The following TANC2 variants were observed in gnomAD, a reference collection of about 807,000 sequenced individuals.
TANC2 encodes the protein protein TANC2.
A neutral mutation model predicts 210.5 loss-of-function variants in TANC2; 26 were observed. That is an observed-to-expected ratio of 0.12 (90% CI 0.09 to 0.17). TANC2 has a LOEUF of 0.17. TANC2 is among the 10% of genes least tolerant of loss of function. The pLI, the probability that TANC2 is intolerant of heterozygous loss-of-function variation, is 1.00. For synonymous variants in TANC2, 931 were observed against 967.1 expected (o/e 0.96, Z 0.69); for missense variants, 2,129 against 2,608.9 (o/e 0.82, Z 4.01).
intron 3 of TANC2, among the ~76,000 whole-genome samples, chr17:63,084,052 A>G (rs550348812): frequency 5.3e-4 from 80 of 152,330 alleles, no homozygotes; most frequent in African/African-American, 1.7e-3. Flanking sequence ...GATTGTAGAG[A>G]ATATGTGTAA....
Position 63,351,241 on chromosome 17 carries a change from C to A in TANC2, c.1808-9C>A. On this transcript the variant is annotated splice_polypyrimidine_tract_variant and intron_variant, in intron 12 of 27. Transcript: ENST00000689528. Reference sequence around the variant, plus strand: ...TAATTATTAAGTAATGTGTTTCTTTCTATCTCAGAGAGAAAAATCCCAGAT... The same window carrying A: ...TAATTATTAAGTAATGTGTTTCTTTATATCTCAGAGAGAAAAATCCCAGAT... 1 of 1,594,798 alleles carries A rather than the reference C, an allele frequency of 6.3e-7. No homozygotes were observed. Among genetic ancestry groups the A allele is most frequent in the South Asian group, 1.1e-5 (1 of 87,356 alleles).
intron 7 of TANC2, among the ~76,000 whole-genome samples, chr17:63,205,372 A>AAAAAAAAAAAAC (rs1472135033): frequency 8.3e-5 from 11 of 131,810 alleles, no homozygotes; most frequent in African/African-American, 1.9e-4. Flanking sequence ...AAAAAAAAAA[A>AAAAAAAAAAAAC]CCTCATACAC....
intron 2 of TANC2, among the ~76,000 whole-genome samples, chr17:63,019,300 C>T (rs1257693799): frequency 6.6e-6 from 1 of 152,106 alleles, no homozygotes; most frequent in Non-Finnish European, 1.5e-5. Flanking sequence ...TCACTGCAAC[C>T]TCTGCCTCCT....
At chr17:63,034,469 A>G (rs2144173858) in intron 2 of TANC2, among the ~76,000 whole-genome samples, 1 of 152,346 alleles carries the variant, frequency 6.6e-6, no homozygotes, top group South Asian at 2.1e-4. Context: ...TTCTTCAGCC[A>G]TGGATCAAGG....
intron 9 of TANC2, among the ~76,000 whole-genome samples, chr17:63,279,704 G>C: frequency 6.6e-6 from 1 of 152,058 alleles, no homozygotes; most frequent in South Asian, 2.1e-4. Flanking sequence ...ATCCTCACTG[G>C]TGAGCACTGT....
intron 2 of TANC2, among the ~76,000 whole-genome samples, chr17:63,016,324 C>T (rs1357767743): frequency 6.6e-6 from 1 of 152,138 alleles, no homozygotes; most frequent in South Asian, 2.1e-4. Flanking sequence ...TGCCTGTAAT[C>T]CCGGCATTTT....
chr17:63,133,541 G>C (rs750785001), intron 4 of TANC2, among the ~76,000 whole-genome samples: 7 of 151,982 alleles, frequency 4.6e-5, no homozygotes, highest in Non-Finnish European at 8.8e-5. Context: ...AGATCTTTTG[G>C]GTCTGCCATG....
intron 9 of TANC2, among the ~76,000 whole-genome samples, chr17:63,284,740 ATATC>A (rs2044169794): frequency 6.6e-6 from 1 of 152,116 alleles, no homozygotes; most frequent in African/African-American, 2.4e-5. Context: ...ACTTCTATAA[ATATC>A]AAATAGGTCA....
intron 21 of TANC2, among the ~76,000 whole-genome samples, chr17:63,408,175 G>A (rs973324732): frequency 1.3e-5 from 2 of 152,228 alleles, no homozygotes; most frequent in African/African-American, 4.8e-5. Context: ...TAACCCAAGG[G>A]CAGTAGCTTT....
In TANC2 at chr17:63,230,997, T is replaced by G. The variant is rs1275159806; in HGVS notation, c.770-6817T>G. On this transcript the variant is annotated intron_variant, in intron 7 of 27. Transcript: ENST00000689528. ...GTATAGTTAGCTCTTACTGTTGAAT[T>G]GTCCCCTTTACTATTATGTAATGCC... Among the ~76,000 whole-genome samples, 7 of 152,216 alleles carry G rather than the reference T, an allele frequency of 4.6e-5. No homozygotes were observed. In the East Asian group the frequency reaches 1.3e-3, roughly 29 times the overall value.
At chr17:63,324,170 T>C (rs1438997319) in intron 11 of TANC2, among the ~76,000 whole-genome samples, 1 of 152,250 alleles carries the variant, frequency 6.6e-6, no homozygotes, top group African/African-American at 2.4e-5. Flanking sequence ...AAGTTGTCAC[T>C]GACAGTCCTT....
chr17:63,019,202 A>G (rs1424947843), intron 2 of TANC2, among the ~76,000 whole-genome samples: 1 of 151,872 alleles, frequency 6.6e-6, no homozygotes, highest in Non-Finnish European at 1.5e-5. Context: ...TCTTGTCACT[A>G]TTTTTAATGT....
chr17:63,007,393 T>C (rs1221755952), intron 1 of TANC2, among the ~76,000 whole-genome samples: 1 of 152,184 alleles, frequency 6.6e-6, no homozygotes, highest in Non-Finnish European at 1.5e-5. Flanking sequence ...TATCTTTTCC[T>C]GTCATTTTGC....
intron 9 of TANC2, among the ~76,000 whole-genome samples, chr17:63,309,432 T>A (rs1567902512): frequency 7.5e-6 from 1 of 132,642 alleles, no homozygotes; most frequent in Non-Finnish European, 1.5e-5. Context: ...AATTTGTATT[T>A]ATTTGGTTAT....
intron 14 of TANC2, among the ~76,000 whole-genome samples, chr17:63,369,227 T>C (rs2047194380): frequency 6.6e-6 from 1 of 152,210 alleles, no homozygotes; most frequent in Non-Finnish European, 1.5e-5. Flanking sequence ...AGTTACTTTT[T>C]TGCAAACACA....
intron 1 of TANC2, among the ~76,000 whole-genome samples, chr17:62,995,009 A>G (rs1294387821): frequency 6.6e-6 from 1 of 152,242 alleles, no homozygotes; most frequent in Non-Finnish European, 1.5e-5. Context: ...AAGATGATGC[A>G]ATACTTTGGG....
chr17:63,068,301 C>T (rs1157697625), intron 2 of TANC2, among the ~76,000 whole-genome samples: 1 of 151,930 alleles, frequency 6.6e-6, no homozygotes, highest in Non-Finnish European at 1.5e-5. Context: ...ATGAAAAAAA[C>T]CTGAGTAGTA....
Position 63,317,870 on chromosome 17 carries a change from C to A in TANC2, c.1442-1087C>A, listed in dbSNP as rs2045362797. On this transcript the variant is annotated intron_variant, in intron 10 of 27. Transcript: ENST00000689528. ...ACAGAGGGCATTTGGACAGTAATTACCCACAAAATCAAATACCAGATAAAG... is the reference window on the plus strand; with the variant it reads ...ACAGAGGGCATTTGGACAGTAATTAACCACAAAATCAAATACCAGATAAAG... Among the ~76,000 whole-genome samples the A allele has an allele frequency of 2.0e-5, 3 of 152,262 alleles. No homozygotes were observed. In the South Asian group the frequency reaches 6.2e-4, roughly 32 times the overall value.
intron 14 of TANC2, among the ~76,000 whole-genome samples, chr17:63,371,315 A>T (rs2047262449): frequency 6.6e-6 from 1 of 152,024 alleles, no homozygotes; most frequent in Non-Finnish European, 1.5e-5. Flanking sequence ...AAATACAAAA[A>T]ATGAGCCAGG....
Sources: allele counts gnomAD v4.1 joint callset (sites outside exome capture counted in the v4.1 genomes callset), GRCh38; gene constraint gnomAD v4.1.1; transcripts MANE v1.5; gene names NCBI Gene and HGNC (gene_info 2026-07-23, HGNC 2026-07-21).